GPC5: variants seen among roughly 807,000 people sequenced by gnomAD.
GPC5 encodes glypican 5.
In GPC5, 47 loss-of-function variants were observed where a neutral mutation model predicts 53.9. That is an observed-to-expected ratio of 0.87 (90% CI 0.69 to 1.11). The LOEUF is 1.11. GPC5 is among the 50% of genes most tolerant of loss of function. GPC5 has a pLI of 0.00. For missense variants in GPC5, 748 were observed against 713.1 expected, an observed-to-expected ratio of 1.05 and a Z score of -0.56; for synonymous variants, 286 against 263.3, an observed-to-expected ratio of 1.09 and a Z score of -0.84.
chr13:92,321,528 A>G (rs1006161277), intron 7 of GPC5, among the ~76,000 whole-genome samples: 1 of 152,136 alleles, frequency 6.6e-6, no homozygotes, highest in South Asian at 2.1e-4. Context: ...CACTTGAACC[A>G]GGAATCAGAG....
At chr13:92,399,922 G>T (rs896598822) in intron 7 of GPC5, among the ~76,000 whole-genome samples, 1 of 152,166 alleles carries the variant, frequency 6.6e-6, no homozygotes, top group African/African-American at 2.4e-5. Context: ...CTCATTCCTA[G>T]TGGGTAGTAG....
intron 7 of GPC5, among the ~76,000 whole-genome samples, chr13:92,700,139 G>A (rs889861104): frequency 6.6e-6 from 1 of 151,808 alleles, no homozygotes; most frequent in Non-Finnish European, 1.5e-5. Context: ...ATTTTGGATA[G>A]TTAATTCTTC....
chr13:92,731,413 CTG>C (rs771281809), intron 7 of GPC5, among the ~76,000 whole-genome samples: 4 of 150,980 alleles, frequency 2.6e-5, no homozygotes, highest in Non-Finnish European at 4.4e-5. Flanking sequence ...TGAGAGAAAA[CTG>C]GGGGAAATAT....
At chr13:92,002,742 GA>G (rs2040566801) in intron 6 of GPC5, among the ~76,000 whole-genome samples, 1 of 152,116 alleles carries the variant, frequency 6.6e-6, no homozygotes, top group Non-Finnish European at 1.5e-5. Flanking sequence ...CTACTTTTAG[GA>G]ATGACCAAAT....
intron 5 of GPC5, among the ~76,000 whole-genome samples, chr13:91,865,464 C>A (rs1284764371): frequency 1.3e-5 from 2 of 152,042 alleles, no homozygotes; most frequent in South Asian, 2.1e-4. Context: ...ATATAAAATT[C>A]TGTAGCAGTG....
At chr13:91,976,227 C>G (rs905558957) in intron 6 of GPC5, among the ~76,000 whole-genome samples, 6 of 152,100 alleles carry the variant, frequency 3.9e-5, no homozygotes, top group African/African-American at 1.4e-4. Context: ...ACATATGTAA[C>G]TAACCTGCAC....
At chr13:92,116,887 G>A (rs2041605948) in intron 6 of GPC5, among the ~76,000 whole-genome samples, 2 of 151,946 alleles carry the variant, frequency 1.3e-5, no homozygotes, top group Admixed American at 1.3e-4. Flanking sequence ...ATTTTTTGTT[G>A]GGTTGATGGT....
At chr13:92,829,656 G>C (rs914665197) in intron 7 of GPC5, among the ~76,000 whole-genome samples, 1 of 151,964 alleles carries the variant, frequency 6.6e-6, no homozygotes, top group Admixed American at 6.6e-5. Context: ...ATATCTTTGA[G>C]AAATTAATGC....
intron 7 of GPC5, among the ~76,000 whole-genome samples, chr13:92,531,201 T>C (rs906141450): frequency 1.3e-5 from 2 of 152,108 alleles, no homozygotes; most frequent in African/African-American, 2.4e-5. Context: ...ATGTGAGCCA[T>C]CCATAATCTC....
At chr13:92,592,129 A>G (rs1410576204) in intron 7 of GPC5, among the ~76,000 whole-genome samples, 1 of 152,206 alleles carries the variant, frequency 6.6e-6, no homozygotes, top group Non-Finnish European at 1.5e-5. Context: ...ACCATATTCC[A>G]CCATTGCTCC....
intron 7 of GPC5, among the ~76,000 whole-genome samples, chr13:92,234,060 G>T (rs144217835): frequency 6.6e-6 from 1 of 152,090 alleles, no homozygotes; most frequent in Non-Finnish European, 1.5e-5. Flanking sequence ...GTCTATCATT[G>T]TTGGACATCT....
At chr13:92,310,121 G>A (rs1489537824) in intron 7 of GPC5, among the ~76,000 whole-genome samples, 2 of 151,902 alleles carry the variant, frequency 1.3e-5, no homozygotes, top group Non-Finnish European at 2.9e-5. Flanking sequence ...CATTGTATGT[G>A]TATGTATGTT....
chr13:91,813,284 AC>A (rs1237111940), intron 5 of GPC5, among the ~76,000 whole-genome samples: 2 of 152,142 alleles, frequency 1.3e-5, no homozygotes, highest in African/African-American at 4.8e-5. Context: ...ACTTTGATGC[AC>A]CTGTTATGAT....
At chr13:91,847,928 A>G (rs897189395) in intron 5 of GPC5, among the ~76,000 whole-genome samples, 2 of 152,116 alleles carry the variant, frequency 1.3e-5, no homozygotes, top group Non-Finnish European at 2.9e-5. Flanking sequence ...CAATTTCTGT[A>G]CTCTCCATCA....
chr13:91,566,519 T>C (rs2065849), intron 2 of GPC5, among the ~76,000 whole-genome samples: 61,513 of 151,948 alleles, frequency 0.4, 14,724 homozygotes, highest in African/African-American at 0.68. Context: ...GCTGAAATCA[T>C]GACACTGCAC....
Position 91,710,209 on chromosome 13 carries a change from A to G in GPC5, c.1020+16328A>G, listed in dbSNP as rs558537336. Among the ~76,000 whole-genome samples, 4 of 152,302 alleles carry G rather than the reference A, an allele frequency of 2.6e-5. No individual in the cohort carries two copies. In the South Asian group the frequency reaches 8.3e-4, roughly 32 times the overall value. On this transcript the variant is annotated intron_variant, in intron 3 of 7. Transcript: ENST00000377067. Reference sequence around the variant, plus strand: ...TGGCAATATTTGTTAAACTGAAATGACCTCAAATGCCACAGCAGAAACTTC... The same window carrying G: ...TGGCAATATTTGTTAAACTGAAATGGCCTCAAATGCCACAGCAGAAACTTC...
At chr13:92,094,034 C>T (rs1452690293) in intron 6 of GPC5, among the ~76,000 whole-genome samples, 2 of 152,070 alleles carry the variant, frequency 1.3e-5, no homozygotes, top group African/African-American at 4.8e-5. Context: ...CCTCATAATG[C>T]TATCATTTGA....
chr13:92,453,675 A>G (rs896285964), intron 7 of GPC5, among the ~76,000 whole-genome samples: 13 of 152,262 alleles, frequency 8.5e-5, no homozygotes, highest in African/African-American at 3.1e-4. Flanking sequence ...TTTTCTCCCT[A>G]ATCTCTCTTA....
chr13:92,260,080 C>G (rs1204646495), intron 7 of GPC5, among the ~76,000 whole-genome samples: 1 of 152,174 alleles, frequency 6.6e-6, no homozygotes. Flanking sequence ...AGTCAAGCCT[C>G]TCTACTCACT....
Sources: allele counts gnomAD v4.1 joint callset (sites outside exome capture counted in the v4.1 genomes callset), GRCh38; gene constraint gnomAD v4.1.1; transcripts MANE v1.5; gene names NCBI Gene and HGNC (gene_info 2026-07-23, HGNC 2026-07-21).